ARHGAP15: variants seen among roughly 807,000 people sequenced by gnomAD.
The protein encoded by ARHGAP15 is rho GTPase-activating protein 15.
A neutral mutation model predicts 63.7 loss-of-function variants in ARHGAP15; 51 were observed. That is an observed-to-expected ratio of 0.80 (90% CI 0.64 to 1.01). The LOEUF (loss-of-function observed/expected upper bound fraction) is 1.01. Ranked by LOEUF, ARHGAP15 falls within the 50% of genes least tolerant of loss-of-function variation. The probability of loss-of-function intolerance (pLI) is 0.00; values close to 1 mark genes in which losing one functional copy is unlikely to be tolerated. For synonymous variants in ARHGAP15, 191 were observed against 193.8 expected (o/e 0.99, Z 0.12); for missense variants, 560 against 564.6 (o/e 0.99, Z 0.08).
intron 6 of ARHGAP15, among the ~76,000 whole-genome samples, chr2:143,389,325 C>T (rs901602873): frequency 1.3e-5 from 2 of 151,918 alleles, no homozygotes; most frequent in African/African-American, 2.4e-5. Context: ...GTGACTTGTA[C>T]GTCTGTTACA....
intron 6 of ARHGAP15, among the ~76,000 whole-genome samples, chr2:143,411,736 A>G (rs1487353973): frequency 6.6e-6 from 1 of 152,240 alleles, no homozygotes; most frequent in Non-Finnish European, 1.5e-5. Flanking sequence ...TGAAGTCTAC[A>G]TGTTAGTGGA....
intron 13 of ARHGAP15, among the ~76,000 whole-genome samples, chr2:143,764,352 G>T (rs1043845612): frequency 6.6e-6 from 1 of 152,126 alleles, no homozygotes; most frequent in Non-Finnish European, 1.5e-5. Context: ...CAGACACGCA[G>T]CTCTAGCCTC....
At chr2:143,396,193 T>A (rs988039195) in intron 6 of ARHGAP15, among the ~76,000 whole-genome samples, 2 of 151,950 alleles carry the variant, frequency 1.3e-5, no homozygotes, top group Non-Finnish European at 2.9e-5. Flanking sequence ...GTGTTTTTAG[T>A]TTTTTTTCTG....
chr2:143,475,879 G>C (rs1691792260), intron 8 of ARHGAP15, among the ~76,000 whole-genome samples: 1 of 152,174 alleles, frequency 6.6e-6, no homozygotes, highest in South Asian at 2.1e-4. Flanking sequence ...ACTCTCATTT[G>C]CCAGCCTCCT....
intron 6 of ARHGAP15, among the ~76,000 whole-genome samples, chr2:143,419,416 C>G (rs1474884456): frequency 6.6e-6 from 1 of 151,402 alleles, no homozygotes; most frequent in Non-Finnish European, 1.5e-5. Context: ...AAAAACAAAT[C>G]AGAAATCTTA....
chr2:143,289,569 A>C (rs1216923448), intron 6 of ARHGAP15, among the ~76,000 whole-genome samples: 1 of 152,190 alleles, frequency 6.6e-6, no homozygotes, highest in African/African-American at 2.4e-5. Context: ...CTGGTTGGAA[A>C]GCAGGGCACA....
At chr2:143,662,846 A>G (rs374907173) in intron 12 of ARHGAP15, among the ~76,000 whole-genome samples, 15 of 135,332 alleles carry the variant, frequency 1.1e-4, no homozygotes, top group South Asian at 2.6e-4. Flanking sequence ...GAAATGAAGC[A>G]AGAAGGGAAG....
chr2:143,584,627 AAACAACAACAAC>A (rs199974019), intron 11 of ARHGAP15, among the ~76,000 whole-genome samples: 4 of 152,006 alleles, frequency 2.6e-5, no homozygotes, highest in African/African-American at 9.7e-5. Flanking sequence ...CTCTGTCAAA[AAACAACAACAAC>A]AACAACAACA....
intron 11 of ARHGAP15, among the ~76,000 whole-genome samples, chr2:143,585,057 C>A (rs930744994): frequency 6.6e-6 from 1 of 152,060 alleles, no homozygotes. Flanking sequence ...AAAATCATCC[C>A]GAGGTTTAAA....
At chr2:143,425,130 A>G (rs952942799) in intron 6 of ARHGAP15, among the ~76,000 whole-genome samples, 3 of 152,270 alleles carry the variant, frequency 2.0e-5, no homozygotes, top group East Asian at 3.9e-4. Flanking sequence ...TAACATTTCA[A>G]TACAAATGTC....
intron 6 of ARHGAP15, among the ~76,000 whole-genome samples, chr2:143,385,334 T>C (rs2104951769): frequency 6.6e-6 from 1 of 152,314 alleles, no homozygotes; most frequent in East Asian, 1.9e-4. Flanking sequence ...CGAAGTGTTT[T>C]CTGTCACTTG....
intron 5 of ARHGAP15, among the ~76,000 whole-genome samples, chr2:143,234,983 A>C (rs962751061): frequency 6.6e-6 from 1 of 152,142 alleles, no homozygotes; most frequent in Non-Finnish European, 1.5e-5. Context: ...CAGTGGGAGA[A>C]TTGATCCAAA....
At chr2:143,467,141 T>C (rs559606481) in intron 8 of ARHGAP15, among the ~76,000 whole-genome samples, 1 of 151,708 alleles carries the variant, frequency 6.6e-6, no homozygotes, top group East Asian at 1.9e-4. Context: ...CATTATAGTA[T>C]GACAGAGGGA....
chr2:143,526,963 C>T (rs919515684), intron 10 of ARHGAP15, among the ~76,000 whole-genome samples: 1 of 152,056 alleles, frequency 6.6e-6, no homozygotes, highest in African/African-American at 2.4e-5. Flanking sequence ...AGAATCTATA[C>T]ATTGTATTTG....
At position 143,178,102 on chromosome 2, in the gene ARHGAP15, C is replaced by T. The variant is rs73962365; in HGVS notation, c.165+22447C>T. 4.0e-3 allele frequency among the ~76,000 whole-genome samples: 607 copies of T among 152,172 alleles called. 5 individuals carry two copies. The highest frequency in any genetic ancestry group is 0.014 in the African/African-American group (587 of 41,506). On this transcript the variant is annotated intron_variant, in intron 2 of 13. Coordinates refer to ENST00000295095, the MANE Select transcript of ARHGAP15 (RefSeq NM_018460.4). Reference sequence around the variant, plus strand: ...CTGTGTGTAACTTGAAATGTGATATCCAACAAAGCAAACGAAGCCTCTGCT... The same window carrying T: ...CTGTGTGTAACTTGAAATGTGATATTCAACAAAGCAAACGAAGCCTCTGCT...
At chr2:143,275,823 C>CTG (rs1681520316) in intron 6 of ARHGAP15, among the ~76,000 whole-genome samples, 2 of 152,300 alleles carry the variant, frequency 1.3e-5, no homozygotes, top group Admixed American at 1.3e-4. Context: ...TTTAACACCA[C>CTG]TGTTCATTTG....
At chr2:143,525,116 T>C (rs900634689) in intron 10 of ARHGAP15, among the ~76,000 whole-genome samples, 2 of 152,190 alleles carry the variant, frequency 1.3e-5, no homozygotes, top group African/African-American at 4.8e-5. Flanking sequence ...GTTCTGCTAA[T>C]TTTATACTGT....
chr2:143,649,179 T>A (rs1318795319), intron 12 of ARHGAP15, among the ~76,000 whole-genome samples: 1 of 151,956 alleles, frequency 6.6e-6, no homozygotes, highest in Admixed American at 6.6e-5. Flanking sequence ...TTCATCATCA[T>A]CATCATCATC....
chr2:143,175,938 G>A (rs1408400437), intron 2 of ARHGAP15, among the ~76,000 whole-genome samples: 1 of 151,998 alleles, frequency 6.6e-6, no homozygotes, highest in Non-Finnish European at 1.5e-5. Context: ...TAATTGAATA[G>A]TATAATATAC....
Sources: gnomAD v4.1 joint callset for allele counts (sites outside exome capture counted in the v4.1 genomes callset) on GRCh38, gnomAD v4.1.1 for gene constraint, MANE v1.5 for transcripts, NCBI Gene and HGNC (gene_info 2026-07-23, HGNC 2026-07-21) for gene names.